Variants in PTPRM observed in about 807,000 individuals in gnomAD.
PTPRM encodes the protein receptor-type tyrosine-protein phosphatase mu.
In PTPRM, 47 loss-of-function variants were observed where a neutral mutation model predicts 186.7. That is an observed-to-expected ratio of 0.25 (90% CI 0.20 to 0.32). The LOEUF is 0.32. Among genes scored for constraint, PTPRM ranks in the 10% least tolerant of loss-of-function variants. The pLI, the probability that PTPRM is intolerant of heterozygous loss-of-function variation, is 1.00. For missense variants in PTPRM, 1,494 were observed against 1,865.0 expected (o/e 0.80, Z 3.66); for synonymous variants, 668 against 674.9 (o/e 0.99, Z 0.16).
intron 1 of PTPRM, among the ~76,000 whole-genome samples, chr18:7,750,455 G>T (rs762228148): frequency 6.6e-6 from 1 of 152,166 alleles, no homozygotes; most frequent in Non-Finnish European, 1.5e-5. Flanking sequence ...TTTTGTTCTG[G>T]TGAATATTGT....
intron 7 of PTPRM, among the ~76,000 whole-genome samples, chr18:8,046,031 C>T (rs1256464243): frequency 1.3e-5 from 2 of 152,158 alleles, no homozygotes; most frequent in East Asian, 1.9e-4. Flanking sequence ...GTAATCGGAT[C>T]GTGGGGGCGG....
At chr18:8,218,312 A>T (rs1338400593) in intron 14 of PTPRM, among the ~76,000 whole-genome samples, 1 of 152,242 alleles carries the variant, frequency 6.6e-6, no homozygotes, top group African/African-American at 2.4e-5. Flanking sequence ...ATTGCAGATT[A>T]CCAACAACGT....
chr18:7,625,136 T>C (rs1229917221), intron 1 of PTPRM, among the ~76,000 whole-genome samples: 1 of 152,174 alleles, frequency 6.6e-6, no homozygotes, highest in Admixed American at 6.5e-5. Flanking sequence ...ATAAAATCTT[T>C]CATGAAAAAA....
chr18:8,211,403 GTTTGTTTCTA>G (rs2094003788), intron 14 of PTPRM, among the ~76,000 whole-genome samples: 5 of 75,850 alleles, frequency 6.6e-5, no homozygotes, highest in African/African-American at 2.4e-4. Context: ...TTTTTTTTTT[GTTTGTTTCTA>G]AGACAGAGTC....
intron 1 of PTPRM, among the ~76,000 whole-genome samples, chr18:7,625,049 A>T (rs2038027902): frequency 6.6e-6 from 1 of 152,196 alleles, no homozygotes; most frequent in Admixed American, 6.5e-5. Context: ...CTCTAACAGA[A>T]TTTACAGAAA....
At chr18:7,753,336 A>G (rs1306630766) in intron 1 of PTPRM, among the ~76,000 whole-genome samples, 2 of 152,064 alleles carry the variant, frequency 1.3e-5, no homozygotes, top group African/African-American at 4.8e-5. Flanking sequence ...ATACATATAT[A>G]TGTATAGATA....
intron 14 of PTPRM, among the ~76,000 whole-genome samples, chr18:8,145,740 C>CAAA (rs1447039592): frequency 2.0e-5 from 3 of 152,178 alleles, no homozygotes; most frequent in African/African-American, 7.2e-5. Flanking sequence ...AATTGATGGT[C>CAAA]ATTTAGGTTG....
At chr18:7,745,676 A>G (rs1011459142) in intron 1 of PTPRM, among the ~76,000 whole-genome samples, 1 of 152,250 alleles carries the variant, frequency 6.6e-6, no homozygotes, top group Non-Finnish European at 1.5e-5. Context: ...TTAGCCAGGC[A>G]TAGAAGAGAT....
intron 1 of PTPRM, among the ~76,000 whole-genome samples, chr18:7,646,764 C>G (rs1311763725): frequency 6.6e-6 from 1 of 152,144 alleles, no homozygotes; most frequent in African/African-American, 2.4e-5. Context: ...GTTAGTGATT[C>G]TAGGTGGTAC....
At chr18:7,674,108 T>A (rs1261563352) in intron 1 of PTPRM, among the ~76,000 whole-genome samples, 3 of 152,114 alleles carry the variant, frequency 2.0e-5, no homozygotes, top group Non-Finnish European at 2.9e-5. Context: ...CCCTAGTGAA[T>A]GTGAGGAAAG....
At chr18:7,879,115 A>G (rs1024733891) in intron 2 of PTPRM, among the ~76,000 whole-genome samples, 2 of 152,202 alleles carry the variant, frequency 1.3e-5, no homozygotes, top group East Asian at 1.9e-4. Flanking sequence ...TAAATGACAC[A>G]CTGTAATACA....
intron 11 of PTPRM, among the ~76,000 whole-genome samples, chr18:8,089,389 C>A (rs2090598059): frequency 6.6e-6 from 1 of 152,088 alleles, no homozygotes; most frequent in Non-Finnish European, 1.5e-5. Context: ...AACATCTAGG[C>A]CCGCATCTTA....
At chr18:8,005,467 T>G (rs542776553) in intron 7 of PTPRM, among the ~76,000 whole-genome samples, 1 of 152,332 alleles carries the variant, frequency 6.6e-6, no homozygotes, top group East Asian at 1.9e-4. Flanking sequence ...AAACTACTTT[T>G]ACATAAGTAA....
chr18:7,751,209 T>G (rs2041200618), intron 1 of PTPRM: 1 of 152,256 alleles, frequency 6.6e-6, no homozygotes, highest in Non-Finnish European at 1.5e-5. Flanking sequence ...GCTTCTTGGC[T>G]CAGACTACTT....
At chr18:7,633,714 C>T (rs978540236) in intron 1 of PTPRM, among the ~76,000 whole-genome samples, 11 of 152,252 alleles carry the variant, frequency 7.2e-5, no homozygotes, top group East Asian at 5.8e-4. Flanking sequence ...CTGCATCCTC[C>T]GCATCGCAGG....
At chr18:8,393,739 G>T (rs1316388686) in intron 31 of PTPRM, among the ~76,000 whole-genome samples, 1 of 152,108 alleles carries the variant, frequency 6.6e-6, no homozygotes, top group African/African-American at 2.4e-5. Flanking sequence ...TTTAAAAAGA[G>T]CCTCTATGTT....
At chr18:8,301,779 C>T (rs1362989703) in intron 20 of PTPRM, among the ~76,000 whole-genome samples, 1 of 152,188 alleles carries the variant, frequency 6.6e-6, no homozygotes, top group Non-Finnish European at 1.5e-5. Context: ...GGTGTCAACA[C>T]CCATGTTAGG....
rs369371486 is a variant in PTPRM, at chr18:8,243,125, G to A, written c.2301-933G>A. 1.6e-4 allele frequency among the ~76,000 whole-genome samples: 25 copies of A among 152,260 alleles called. No individual in the cohort carries two copies. In the South Asian group the frequency reaches 4.3e-3, roughly 26 times the overall value. On this transcript the variant is annotated intron_variant, in intron 14 of 32. Coordinates refer to ENST00000580170, the MANE Select transcript of PTPRM (RefSeq NM_001105244.2). ...AGATCTATAAAAATTTGTGTTACCT[G>A]TTTATTTATGTTAGTTTCCCTTTAA...
chr18:8,107,126 G>A (rs1376242296), intron 11 of PTPRM, among the ~76,000 whole-genome samples: 1 of 151,952 alleles, frequency 6.6e-6, no homozygotes, highest in African/African-American at 2.4e-5. Context: ...AACTAATTTT[G>A]GATTATACTT....
Sources: gnomAD v4.1 joint callset for allele counts (sites outside exome capture counted in the v4.1 genomes callset) on GRCh38, gnomAD v4.1.1 for gene constraint, MANE v1.5 for transcripts, NCBI Gene and HGNC (gene_info 2026-07-23, HGNC 2026-07-21) for gene names.